Variants in ASCC3 observed in about 807,000 individuals in gnomAD.
ASCC3 encodes ASC-1 complex subunit P200.
Under a neutral mutation model 256.3 loss-of-function variants are expected in ASCC3, and 158 were observed. That is an observed-to-expected ratio of 0.62 (90% CI 0.54 to 0.70). The LOEUF is 0.70. Among genes scored for constraint, ASCC3 ranks in the 30% least tolerant of loss-of-function variants. The pLI is 0.00. For synonymous variants in ASCC3, 948 were observed against 883.4 expected (o/e 1.07, Z -1.30); for missense variants, 2,259 against 2,626.0 (o/e 0.86, Z 3.05).
intron 37 of ASCC3, among the ~76,000 whole-genome samples, chr6:100,520,669 C>T (rs1774260113): frequency 6.6e-6 from 1 of 152,130 alleles, no homozygotes; most frequent in Non-Finnish European, 1.5e-5. Context: ...ACTAACTTTT[C>T]TATGTTTAAA....
At chr6:100,636,304 G>A (rs187184169) in intron 25 of ASCC3, among the ~76,000 whole-genome samples, 14 of 152,178 alleles carry the variant, frequency 9.2e-5, no homozygotes, top group Admixed American at 9.2e-4. Flanking sequence ...ATGGTGATCT[G>A]TGGTCGGTGA....
chr6:100,655,686 A>C lies in ASCC3; in HGVS notation c.2823+13T>G. The C allele has an allele frequency of 6.2e-7, 1 of 1,608,438 alleles. No individual in the cohort carries two copies. Among genetic ancestry groups the C allele is most frequent in the Non-Finnish European group, 8.5e-7 (1 of 1,178,540 alleles). On this transcript the variant is annotated intron_variant, in intron 17 of 41. Coordinates refer to ENST00000369162, the MANE Select transcript of ASCC3 (RefSeq NM_006828.4). ...AAGGTCTGAATTTTTTTTTTAATAA[A>C]TGAGTTTTCTACCTGATAAGCCTTG...
chr6:100,519,432 G>GA (rs771997128), intron 37 of ASCC3, among the ~76,000 whole-genome samples: 19 of 152,022 alleles, frequency 1.2e-4, no homozygotes, highest in Admixed American at 1.3e-4. Flanking sequence ...TAAATCTAGG[G>GA]AAAATCCACT....
intron 10 of ASCC3, among the ~76,000 whole-genome samples, chr6:100,753,179 TAA>T (rs1303426375): frequency 6.6e-6 from 1 of 151,654 alleles, no homozygotes; most frequent in Non-Finnish European, 1.5e-5. Flanking sequence ...GTGAACAAAA[TAA>T]AGTTAATGAT....
intron 8 of ASCC3, among the ~76,000 whole-genome samples, chr6:100,787,816 TA>T: frequency 6.6e-6 from 1 of 152,178 alleles, no homozygotes; most frequent in East Asian, 1.9e-4. Context: ...CATTTCACCA[TA>T]TATAAAAACC....
chr6:100,510,273 G>A (rs1388302308), intron 40 of ASCC3, 166 bp from the exon 41 acceptor site: 1 of 693,324 alleles, frequency 1.4e-6, no homozygotes, highest in Non-Finnish European at 2.4e-6. Flanking sequence ...TGGTGTCTTT[G>A]ATATGCAATT....
rs866459864 is a variant in ASCC3 at position 100,849,262 on chromosome 6, A to C, written c.242-555T>G. ...ATCTAAGTGCAGAAACTACCTAGTAACAATCCTTACAGCTTCTTTCTAAAA... is the reference window on the plus strand; with the variant it reads ...ATCTAAGTGCAGAAACTACCTAGTACCAATCCTTACAGCTTCTTTCTAAAA... On this transcript the variant is annotated intron_variant, in intron 3 of 41. Transcript: ENST00000369162. Among the ~76,000 whole-genome samples, 3 of 152,208 alleles carry C rather than the reference A, an allele frequency of 2.0e-5. No individual in the cohort carries two copies. The South Asian group carries it at 6.2e-4, about 31-fold the overall frequency.
intron 36 of ASCC3, among the ~76,000 whole-genome samples, chr6:100,548,724 A>C (rs1018390994): frequency 2.0e-5 from 3 of 151,952 alleles, no homozygotes; most frequent in Admixed American, 1.3e-4. Flanking sequence ...AAAGGCATTC[A>C]AACTAAGATA....
chr6:100,605,220 GTC>G (rs568000867), intron 33 of ASCC3, among the ~76,000 whole-genome samples: 35 of 152,190 alleles, frequency 2.3e-4, no homozygotes, highest in Non-Finnish European at 4.6e-4. Flanking sequence ...GAGATAGCTG[GTC>G]TTGCTACCAT....
At chr6:100,684,662 G>A (rs558301951) in intron 13 of ASCC3, among the ~76,000 whole-genome samples, 162 of 152,202 alleles carry the variant, frequency 1.1e-3, no homozygotes, top group African/African-American at 3.1e-3. Context: ...GCATATGTGC[G>A]TGTGTGTATG....
intron 10 of ASCC3, among the ~76,000 whole-genome samples, chr6:100,741,854 T>TCA (rs1451450797): frequency 2.0e-5 from 3 of 152,198 alleles, no homozygotes; most frequent in Non-Finnish European, 4.4e-5. Flanking sequence ...AAGTTTGTTA[T>TCA]AGCCTACTTC....
chr6:100,701,529 T>C (rs918657447), intron 13 of ASCC3, among the ~76,000 whole-genome samples: 1 of 152,148 alleles, frequency 6.6e-6, no homozygotes, highest in African/African-American at 2.4e-5. Context: ...GAAAATGGAC[T>C]AATACAGTGC....
At chr6:100,521,874 A>C (rs925491638) in intron 37 of ASCC3, among the ~76,000 whole-genome samples, 1 of 152,168 alleles carries the variant, frequency 6.6e-6, no homozygotes, top group Non-Finnish European at 1.5e-5. Flanking sequence ...CTTGTGTCTC[A>C]CTACCTTTTA....
At chr6:100,645,405 G>A (rs1299251945) in intron 22 of ASCC3, among the ~76,000 whole-genome samples, 2 of 151,642 alleles carry the variant, frequency 1.3e-5, no homozygotes, top group Non-Finnish European at 2.9e-5. Context: ...AGGAATTAAA[G>A]GTTTAGACAC....
intron 4 of ASCC3, among the ~76,000 whole-genome samples, chr6:100,843,278 A>C (rs557013108): frequency 1.3e-5 from 2 of 152,286 alleles, no homozygotes; most frequent in Admixed American, 1.3e-4. Context: ...AGACAATCTA[A>C]CCAAATAACT....
chr6:100,815,971 A>G (rs925906382), intron 4 of ASCC3, among the ~76,000 whole-genome samples: 7 of 152,172 alleles, frequency 4.6e-5, no homozygotes, highest in Non-Finnish European at 7.4e-5. Flanking sequence ...CAGGGTAAAC[A>G]GATAACCTAC....
chr6:100,788,994 G>A (rs1388456038), intron 8 of ASCC3, among the ~76,000 whole-genome samples: 1 of 151,802 alleles, frequency 6.6e-6, no homozygotes, highest in African/African-American at 2.4e-5. Flanking sequence ...CCAAAAGGGT[G>A]TATTTTATAG....
chr6:100,585,731 A>G (rs1771621395), intron 36 of ASCC3, among the ~76,000 whole-genome samples: 1 of 151,882 alleles, frequency 6.6e-6, no homozygotes. Context: ...TTGGTCTTTG[A>G]TGATGGTGAT....
intron 8 of ASCC3, among the ~76,000 whole-genome samples, chr6:100,784,613 A>G (rs1226317358): frequency 1.3e-5 from 2 of 152,108 alleles, no homozygotes; most frequent in Non-Finnish European, 2.9e-5. Flanking sequence ...GAAAAAAAGT[A>G]TGCCACAAAA....
Sources: allele counts gnomAD v4.1 joint callset (sites outside exome capture counted in the v4.1 genomes callset), GRCh38; gene constraint gnomAD v4.1.1; transcripts MANE v1.5; gene names NCBI Gene and HGNC (gene_info 2026-07-23, HGNC 2026-07-21).